The following SCHIP1 variants were observed in gnomAD, a reference collection of about 807,000 sequenced individuals.
The protein encoded by SCHIP1 is schwannomin interacting protein 1.
In SCHIP1, 8 loss-of-function variants were observed where a neutral mutation model predicts 29.7. The ratio of observed to expected loss-of-function variants is 0.27; its 90% CI spans 0.16 to 0.49. The LOEUF (loss-of-function observed/expected upper bound fraction) is 0.49. SCHIP1 is among the 20% of genes least tolerant of loss of function. SCHIP1 has a pLI of 0.99. For missense variants in SCHIP1, 193 were observed against 294.6 expected (o/e 0.66, Z 2.52); for synonymous variants, 76 against 94.9 (o/e 0.80, Z 1.16).
chr3:159,397,650 G>A, the SCHIP1 span, among the ~76,000 whole-genome samples: 2 of 152,174 alleles, frequency 1.3e-5, no homozygotes, highest in Non-Finnish European at 2.9e-5. Flanking sequence ...AGGGGTCAGG[G>A]ACCCACTTGA....
chr3:159,764,701 G>T, the SCHIP1 span: 1 of 1,576,602 alleles, frequency 6.3e-7, no homozygotes, highest in Non-Finnish European at 8.6e-7. The surrounding 1 kb of genome is among the most constrained non-coding windows in gnomAD (Gnocchi z 6.1). Flanking sequence ...GGACGAGCGC[G>T]ACCAGCGAGG....
the SCHIP1 span, among the ~76,000 whole-genome samples, chr3:159,728,560 CA>C: frequency 6.6e-6 from 1 of 152,188 alleles, no homozygotes; most frequent in Non-Finnish European, 1.5e-5. Flanking sequence ...ATCTGTCTCA[CA>C]TTGGTTGGAG....
the SCHIP1 span, among the ~76,000 whole-genome samples, chr3:159,652,511 G>C: frequency 6.6e-6 from 1 of 152,160 alleles, no homozygotes; most frequent in Non-Finnish European, 1.5e-5. Flanking sequence ...AAGCTGGGGT[G>C]GTCCCTGGCC....
At chr3:159,473,996 G>T in the SCHIP1 span, among the ~76,000 whole-genome samples, 4 of 151,896 alleles carry the variant, frequency 2.6e-5, no homozygotes, top group African/African-American at 4.8e-5. Flanking sequence ...CAAAATGCAG[G>T]TTAAATTGTC....
the SCHIP1 span, among the ~76,000 whole-genome samples, chr3:159,275,792 A>G: frequency 6.3e-4 from 96 of 152,274 alleles, no homozygotes; most frequent in Admixed American, 2.9e-3. Flanking sequence ...AAATGTTCAG[A>G]GCTAAACTGT....
At chr3:159,445,184 A>T in the SCHIP1 span, among the ~76,000 whole-genome samples, 1 of 152,210 alleles carries the variant, frequency 6.6e-6, no homozygotes, top group Non-Finnish European at 1.5e-5. Context: ...TTACAAGAAA[A>T]AAACAAACAA....
the SCHIP1 span, among the ~76,000 whole-genome samples, chr3:159,296,689 C>A: frequency 1.3e-5 from 2 of 151,922 alleles, no homozygotes; most frequent in African/African-American, 4.8e-5. Flanking sequence ...GGCCAAATTG[C>A]TTGAACCTGG....
At chr3:159,727,924 GT>G in the SCHIP1 span, among the ~76,000 whole-genome samples, 30 of 125,720 alleles carry the variant, frequency 2.4e-4, no homozygotes, top group South Asian at 1.0e-3. Flanking sequence ...CTTTTTTGTT[GT>G]TTTTTTTTTT....
At chr3:159,642,691 T>C in the SCHIP1 span, among the ~76,000 whole-genome samples, 1 of 152,020 alleles carries the variant, frequency 6.6e-6, no homozygotes, top group Non-Finnish European at 1.5e-5. Flanking sequence ...ATATAAAATA[T>C]TGGGGGACAC....
At chr3:159,444,149 C>T in the SCHIP1 span, among the ~76,000 whole-genome samples, 1 of 152,120 alleles carries the variant, frequency 6.6e-6, no homozygotes, top group Non-Finnish European at 1.5e-5. Context: ...CATCACTGAG[C>T]AGCACAGCTG....
the SCHIP1 span, among the ~76,000 whole-genome samples, chr3:159,552,385 T>G: frequency 6.6e-6 from 1 of 152,086 alleles, no homozygotes; most frequent in African/African-American, 2.4e-5. Flanking sequence ...TTTTGGACAA[T>G]GACCACAGAA....
chr3:159,604,056 A>G, the SCHIP1 span, among the ~76,000 whole-genome samples: 6 of 152,310 alleles, frequency 3.9e-5, no homozygotes, highest in East Asian at 1.2e-3. Flanking sequence ...TTGGAGATCA[A>G]CTTTTCAATA....
chr3:159,402,275 G>A, the SCHIP1 span, among the ~76,000 whole-genome samples: 57 of 152,246 alleles, frequency 3.7e-4, no homozygotes, highest in South Asian at 0.012. Flanking sequence ...AAAAAGTCAG[G>A]AAACAACAGG....
At chr3:159,869,280 T>C (rs1021080531) in intron 2 of SCHIP1, among the ~76,000 whole-genome samples, 1 of 152,008 alleles carries the variant, frequency 6.6e-6, no homozygotes, top group Non-Finnish European at 1.5e-5. Flanking sequence ...ACTTTTCTAG[T>C]CAATGGCTTT....
the SCHIP1 span, among the ~76,000 whole-genome samples, chr3:159,399,450 C>T: frequency 6.6e-6 from 1 of 152,076 alleles, no homozygotes; most frequent in Non-Finnish European, 1.5e-5. Context: ...CCCAAGTGCC[C>T]AGAACAGTGC....
At chr3:159,452,671 C>T in the SCHIP1 span, among the ~76,000 whole-genome samples, 11 of 152,158 alleles carry the variant, frequency 7.2e-5, no homozygotes, top group South Asian at 2.1e-4. Context: ...TATCCAGTAA[C>T]GGGATTGCTA....
the SCHIP1 span, among the ~76,000 whole-genome samples, chr3:159,658,211 A>T: frequency 3.9e-4 from 59 of 152,280 alleles, no homozygotes; most frequent in African/African-American, 1.4e-3. Context: ...CAATTCAAAG[A>T]CAAAACATGA....
the SCHIP1 span, among the ~76,000 whole-genome samples, chr3:159,693,621 C>T: frequency 7.2e-4 from 110 of 152,196 alleles, no homozygotes; most frequent in African/African-American, 2.5e-3. Context: ...CGCCAAGACA[C>T]CCAGGAATTT....
chr3:159,388,515 T>G, the SCHIP1 span, among the ~76,000 whole-genome samples: 1 of 152,248 alleles, frequency 6.6e-6, no homozygotes, highest in South Asian at 2.1e-4. Context: ...TTTATGAATT[T>G]AATGTAAGCC....
Sources: gnomAD v4.1 joint callset for allele counts (sites outside exome capture counted in the v4.1 genomes callset) on GRCh38, gnomAD v4.1.1 for gene constraint, Gnocchi (gnomAD v3.1) non-coding constraint, MANE v1.5 for transcripts, NCBI Gene and HGNC (gene_info 2026-07-23, HGNC 2026-07-21) for gene names.